The following NOTCH2NLC variants were observed in gnomAD, a reference collection of about 807,000 sequenced individuals.
NOTCH2NLC encodes the protein notch homolog 2 N-terminal-like protein C.
NOTCH2NLC carries 4 observed loss-of-function variants against 17.7 expected under a neutral mutation model. That is an observed-to-expected ratio of 0.23 (90% CI 0.11 to 0.52). NOTCH2NLC has a LOEUF of 0.52. Ranked by LOEUF, NOTCH2NLC falls within the 20% of genes least tolerant of loss-of-function variation. The pLI, the probability that NOTCH2NLC is intolerant of heterozygous loss-of-function variation, is 0.96. For missense variants in NOTCH2NLC, 57 were observed against 207.2 expected (o/e 0.28, Z 4.45); for synonymous variants, 18 against 86.0 (o/e 0.21, Z 4.38).
In NOTCH2NLC at chr1:149,445,901, TAAA is replaced by T. The variant is rs1182076544; in HGVS notation, c.210-9395_210-9393del. Reference sequence around the variant, plus strand: ...TTTTTGAATGGCCAAATCCTCGTTTTAAAAAAAAAAAAAAAAAAAAAAAAGCTA... The same window carrying T: ...TTTTTGAATGGCCAAATCCTCGTTTTAAAAAAAAAAAAAAAAAAAAAGCTA... On this transcript the variant is annotated intron_variant, in intron 2 of 4. Coordinates refer to ENST00000650865, the MANE Select transcript of NOTCH2NLC (RefSeq NM_001364013.2). 6.9e-5 allele frequency among the ~76,000 whole-genome samples: 5 copies of T among 72,616 alleles called. No individual in the cohort carries two copies. The South Asian group carries it at 1.5e-3, about 22-fold the overall frequency. The allele number at this position is 72,616 out of a possible 152,430, so 47.6% of individuals were successfully genotyped here.
chr1:149,445,043 AG>A (rs2084541449), intron 2 of NOTCH2NLC, among the ~76,000 whole-genome samples: 1 of 143,362 alleles, frequency 7.0e-6, no homozygotes, highest in Non-Finnish European at 1.5e-5. Context: ...CCTCTTTACC[AG>A]GAAGTTAACT....
rs2084644419 is a variant in NOTCH2NLC, at chr1:149,460,897, TTCTTTCTTTCTTTCTTTCTC to T, written c.470-2590_470-2571del. Among the ~76,000 whole-genome samples, 4 of 83,966 alleles carry T rather than the reference TTCTTTCTTTCTTTCTTTCTC, an allele frequency of 4.8e-5. 1 individual carries two copies. Among genetic ancestry groups the T allele is most frequent in the Admixed American group, 3.9e-4 (3 of 7,742 alleles). The allele number at this position is 83,966 out of a possible 152,430, so 55.1% of individuals were successfully genotyped here. ...TTTCTTTCTTTCTTTCTTTCTTTCT[TTCTTTCTTTCTTTCTTTCTC>T]TCTCTTTCTCTCTTTCTCTCTCTTT... On this transcript the variant is annotated intron_variant, in intron 3 of 4. Transcript: ENST00000650865.
rs1383924650 is a variant in NOTCH2NLC, at chr1:149,436,014, G to A, written c.209+4999G>A. On this transcript the variant is annotated intron_variant, in intron 2 of 4. Coordinates refer to ENST00000650865, the MANE Select transcript of NOTCH2NLC (RefSeq NM_001364013.2). ...CTTTCAGTGATTCTCCAGTGCCTTTGATATTTTGTCCAGAGCAAGAGGGCT... is the reference window on the plus strand; with the variant it reads ...CTTTCAGTGATTCTCCAGTGCCTTTAATATTTTGTCCAGAGCAAGAGGGCT... 2.0e-4 allele frequency among the ~76,000 whole-genome samples: 28 copies of A among 141,052 alleles called. No individual in the cohort carries two copies. The East Asian group carries it at 4.3e-3, about 22-fold the overall frequency. The allele number at this position is 141,052 out of a possible 152,430, so 92.5% of individuals were successfully genotyped here. A position where few individuals can be genotyped will look rare whatever the true frequency, so the allele number is the denominator to read the frequency against.
chr1:149,410,028 G>C (rs1256286891), intron 1 of NOTCH2NLC, among the ~76,000 whole-genome samples: 1 of 135,920 alleles, frequency 7.4e-6, no homozygotes, highest in Non-Finnish European at 1.6e-5. Flanking sequence ...GGGAGGGAAA[G>C]AATCAGTTCA....
intron 2 of NOTCH2NLC, among the ~76,000 whole-genome samples, chr1:149,454,396 AC>A (rs1367863781): frequency 3.6e-4 from 38 of 104,516 alleles, no homozygotes; most frequent in Admixed American, 5.4e-4. Flanking sequence ...ATGGAGACTT[AC>A]CATGCCTTTT....
Position 149,462,833 on chromosome 1 carries a change from A to ATTT in NOTCH2NLC, c.470-640_470-638dup, listed in dbSNP as rs878889477. On this transcript the variant is annotated intron_variant, in intron 3 of 4. Transcript: ENST00000650865. ...CACTAGGAAAACAGACGGGAAGTTG[A>ATTT]TTTTTTTTTTTTTTTTTTTTGAAAT... Among the ~76,000 whole-genome samples the ATTT allele has an allele frequency of 2.5e-3, 289 of 117,034 alleles. 7 individuals carry two copies. Among genetic ancestry groups the ATTT allele is most frequent in the African/African-American group, 4.8e-3 (150 of 31,070 alleles). The allele number at this position is 117,034 out of a possible 152,430, so 76.8% of individuals were successfully genotyped here. A position where few individuals can be genotyped will look rare whatever the true frequency, so the allele number is the denominator to read the frequency against.
intron 1 of NOTCH2NLC, among the ~76,000 whole-genome samples, chr1:149,395,130 CTT>C (rs1207905582): frequency 6.7e-6 from 1 of 150,154 alleles, no homozygotes; most frequent in Non-Finnish European, 1.5e-5. Context: ...CACAAAAACT[CTT>C]ATAACATCCT....
chr1:149,462,900 A>G (rs2084658155), intron 3 of NOTCH2NLC, among the ~76,000 whole-genome samples: 1 of 144,510 alleles, frequency 6.9e-6, no homozygotes, highest in Non-Finnish European at 1.5e-5. Flanking sequence ...CAGTGGTACA[A>G]TCTCGGCTCA....
intron 2 of NOTCH2NLC, among the ~76,000 whole-genome samples, chr1:149,446,565 C>T (rs1222832452): frequency 2.0e-5 from 3 of 150,770 alleles, no homozygotes; most frequent in South Asian, 2.1e-4. Flanking sequence ...CTCGAACTTC[C>T]GCTCTAGCAA....
rs1183529995 is a variant in NOTCH2NLC at position 149,468,991 on chromosome 1, G to A, written c.*4838G>A. Among the ~76,000 whole-genome samples the A allele has an allele frequency of 3.0e-5, 3 of 99,240 alleles. No individual in the cohort carries two copies. The highest frequency in any genetic ancestry group is 6.0e-5 in the Non-Finnish European group (3 of 49,832). 65.1% of individuals were successfully genotyped at this position (99,240 alleles called of 152,430 possible). A position where few individuals can be genotyped will look rare whatever the true frequency, so the allele number is the denominator to read the frequency against. On this transcript the variant is annotated 3_prime_UTR_variant, in exon 5 of 5. Coordinates refer to ENST00000650865, the MANE Select transcript of NOTCH2NLC (RefSeq NM_001364013.2). ...TTTTTTTTTTTTTTTTTGAGACGGA[G>A]CATCGCTCTTTCTCCCAGGCTGGAG...
chr1:149,437,867 A>G (rs2084492287), intron 2 of NOTCH2NLC, among the ~76,000 whole-genome samples: 1 of 146,612 alleles, frequency 6.8e-6, no homozygotes, highest in African/African-American at 2.5e-5. Context: ...AGCTAACATT[A>G]TTGCATATTA....
intron 3 of NOTCH2NLC, among the ~76,000 whole-genome samples, chr1:149,463,274 C>G (rs1218368871): frequency 1.3e-5 from 2 of 148,868 alleles, no homozygotes; most frequent in Non-Finnish European, 3.0e-5. Context: ...AGGTGCTCCA[C>G]CCACTGAGTC....
chr1:149,470,040 CT>C lies in NOTCH2NLC; in HGVS notation c.*5891del, dbSNP rs2084707404. Among the ~76,000 whole-genome samples, 1 of 151,988 alleles carries C rather than the reference CT, an allele frequency of 6.6e-6. No individual in the cohort carries two copies. Among genetic ancestry groups the C allele is most frequent in the Admixed American group, 6.6e-5 (1 of 15,258 alleles). On this transcript the variant is annotated 3_prime_UTR_variant, in exon 5 of 5. Coordinates refer to ENST00000650865, the MANE Select transcript of NOTCH2NLC (RefSeq NM_001364013.2). ...GCTTGAGTTTTCTCAGACATGGGAA[CT>C]TTTGACCTAAGTTTGTATTTTACAT...
At chr1:149,448,605 C>T (rs2084568759) in intron 2 of NOTCH2NLC, among the ~76,000 whole-genome samples, 2 of 150,360 alleles carry the variant, frequency 1.3e-5, no homozygotes, top group South Asian at 4.2e-4. Context: ...ATTATTCTTT[C>T]TTGAACTGCG....
At chr1:149,428,370 A>ATTAT (rs2084424502) in intron 1 of NOTCH2NLC, among the ~76,000 whole-genome samples, 1 of 149,576 alleles carries the variant, frequency 6.7e-6, no homozygotes, top group African/African-American at 2.5e-5. Context: ...AGTGGCATTA[A>ATTAT]TTATTAGCCT....
In NOTCH2NLC at chr1:149,413,680, TA is replaced by T. The variant is rs1467843555; in HGVS notation, c.136-17261del. ...ATTTTGTTCCTGCTGAGTTCAGAGC[TA>T]TGTTCCTCATAGCCTGGCTTACCTG... is the stretch of plus-strand genomic sequence containing the variant. On this transcript the variant is annotated intron_variant, in intron 1 of 4. Transcript: ENST00000650865. Among the ~76,000 whole-genome samples the T allele has an allele frequency of 3.3e-5, 5 of 151,300 alleles. 1 individual carries two copies. In the East Asian group the frequency reaches 7.8e-4, roughly 24 times the overall value.
rs1175539238 is a variant in NOTCH2NLC at position 149,468,958 on chromosome 1, C to CTTTTTTT, written c.*4823_*4829dup. On this transcript the variant is annotated 3_prime_UTR_variant, in exon 5 of 5. Coordinates refer to ENST00000650865, the MANE Select transcript of NOTCH2NLC (RefSeq NM_001364013.2). ...GGCATGTGTCATTTTCTTTTCTTTT[C>CTTTTTTT]TTTTTTTTTTTTTTTTTTTTTTTTG... is the stretch of plus-strand genomic sequence containing the variant. 2.1e-4 allele frequency among the ~76,000 whole-genome samples: 11 copies of CTTTTTTT among 53,454 alleles called. No individual in the cohort carries two copies. Among genetic ancestry groups the CTTTTTTT allele is most frequent in the Non-Finnish European group, 3.0e-4 (9 of 30,284 alleles). The allele number at this position is 53,454 out of a possible 152,430, so 35.1% of individuals were successfully genotyped here.
At chr1:149,461,683 G>A (rs1175832225) in intron 3 of NOTCH2NLC, among the ~76,000 whole-genome samples, 4 of 151,396 alleles carry the variant, frequency 2.6e-5, no homozygotes, top group South Asian at 2.1e-4. Context: ...ACATGCACAC[G>A]TATGTTTCTT....
At chr1:149,442,024 C>A (rs1339676529) in intron 2 of NOTCH2NLC, among the ~76,000 whole-genome samples, 1 of 143,674 alleles carries the variant, frequency 7.0e-6, no homozygotes, top group Non-Finnish European at 1.5e-5. Flanking sequence ...TCTTCCCAGA[C>A]CGTTGTCTTA....
Sources: allele counts gnomAD v4.1 joint callset (sites outside exome capture counted in the v4.1 genomes callset), GRCh38; gene constraint gnomAD v4.1.1; transcripts MANE v1.5; gene names NCBI Gene and HGNC (gene_info 2026-07-23, HGNC 2026-07-21).